The following FER variants were observed in gnomAD, a reference collection of about 807,000 sequenced individuals.
The protein encoded by FER is tyrosine-protein kinase Fer.
In FER, 63 loss-of-function variants were observed where a neutral mutation model predicts 111.0. The ratio of observed to expected loss-of-function variants is 0.57; its 90% CI spans 0.46 to 0.70. The LOEUF (loss-of-function observed/expected upper bound fraction) is 0.70. Among genes scored for constraint, FER ranks in the 30% least tolerant of loss-of-function variants. The pLI is 0.00. For synonymous variants in FER, 327 were observed against 313.9 expected (o/e 1.04, Z -0.44); for missense variants, 914 against 954.0 (o/e 0.96, Z 0.55).
intron 13 of FER, among the ~76,000 whole-genome samples, chr5:108,986,663 T>G (rs1275099964): frequency 6.6e-6 from 1 of 152,210 alleles, no homozygotes; most frequent in African/African-American, 2.4e-5. Flanking sequence ...CTTCTACATG[T>G]GACTTTCCAA....
chr5:108,882,385 A>G (rs1052333261), intron 8 of FER, among the ~76,000 whole-genome samples: 4 of 152,020 alleles, frequency 2.6e-5, no homozygotes, highest in African/African-American at 4.8e-5. Flanking sequence ...TAGTCAGTCT[A>G]GTTATAATAA....
At chr5:108,876,056 A>G (rs1333106648) in intron 8 of FER, among the ~76,000 whole-genome samples, 2 of 152,180 alleles carry the variant, frequency 1.3e-5, no homozygotes, top group Non-Finnish European at 2.9e-5. Context: ...GGATATCTCA[A>G]TTGAAGAATG....
Position 108,927,250 on chromosome 5 carries a change from C to CTTTTTTTTT in FER, c.1237-18879_1237-18878insTTTTTTTTT, listed in dbSNP as rs773963733. The stretch of plus-strand genomic sequence containing the variant: ...CATGTAATTCAGCATTGAGAAGTGG[C>CTTTTTTTTT]TCTTTTTTTTTTTTTTTTTTTGAGA... On this transcript the variant is annotated intron_variant, in intron 10 of 19. Transcript: ENST00000281092. Among the ~76,000 whole-genome samples the CTTTTTTTTT allele has an allele frequency of 1.3e-4, 12 of 95,368 alleles. 1 individual carries two copies. Among genetic ancestry groups the CTTTTTTTTT allele is most frequent in the African/African-American group, 5.2e-4 (7 of 13,482 alleles). The allele number at this position is 95,368 out of a possible 152,430, so 62.6% of individuals were successfully genotyped here.
chr5:109,100,684 CA>C (rs1748115424), intron 17 of FER, among the ~76,000 whole-genome samples, 165 bp downstream of exon 17: 1 of 151,736 alleles, frequency 6.6e-6, no homozygotes, highest in South Asian at 2.1e-4. Context: ...ATAGTTTATA[CA>C]AACACTCCTT....
intron 17 of FER, among the ~76,000 whole-genome samples, chr5:109,107,040 AGAG>A (rs780630421): frequency 5.9e-5 from 9 of 152,160 alleles, no homozygotes; most frequent in Non-Finnish European, 8.8e-5. Context: ...CTTGAGAGTG[AGAG>A]GAGAAGGAAT....
chr5:108,984,148 C>G (rs563930727), intron 13 of FER, among the ~76,000 whole-genome samples: 1 of 151,406 alleles, frequency 6.6e-6, no homozygotes, highest in Non-Finnish European at 1.5e-5. Context: ...CTTGTCTTAC[C>G]TTTTATTCTT....
At chr5:109,136,631 G>T (rs1752928308) in intron 17 of FER, among the ~76,000 whole-genome samples, 1 of 152,118 alleles carries the variant, frequency 6.6e-6, no homozygotes, top group Non-Finnish European at 1.5e-5. Flanking sequence ...CAGTAGCCTA[G>T]TGAGGTAATT....
intron 2 of FER, among the ~76,000 whole-genome samples, chr5:108,788,320 G>T (rs189884425): frequency 3.9e-5 from 6 of 151,996 alleles, no homozygotes; most frequent in African/African-American, 1.5e-4. Flanking sequence ...CAGATCCCGC[G>T]CTTGCTCACT....
At chr5:109,089,031 A>G (rs1012524898) in intron 16 of FER, among the ~76,000 whole-genome samples, 3 of 152,234 alleles carry the variant, frequency 2.0e-5, no homozygotes. Flanking sequence ...TGTGTATAAT[A>G]TAATCCCTAA....
chr5:109,120,939 G>A (rs1397071156), intron 17 of FER, among the ~76,000 whole-genome samples: 1 of 152,014 alleles, frequency 6.6e-6, no homozygotes, highest in African/African-American at 2.4e-5. Context: ...TGTGTATGTT[G>A]ATTTTGTATC....
intron 1 of FER, among the ~76,000 whole-genome samples, chr5:108,759,717 A>G (rs1320301240): frequency 1.3e-5 from 2 of 152,212 alleles, no homozygotes; most frequent in African/African-American, 4.8e-5. Context: ...ACATGGCAGA[A>G]GAGAAGAGAA....
chr5:108,844,119 CACATAT>C (rs1761613882), intron 5 of FER, among the ~76,000 whole-genome samples: 1 of 94,648 alleles, frequency 1.1e-5, no homozygotes, highest in Non-Finnish European at 2.3e-5. Flanking sequence ...TGTGTGTGAA[CACATAT>C]ATGTGTGTGA....
chr5:108,904,842 A>C (rs1040220954), intron 10 of FER, among the ~76,000 whole-genome samples: 7 of 152,024 alleles, frequency 4.6e-5, no homozygotes, highest in African/African-American at 1.7e-4. Flanking sequence ...TAGATGAGTA[A>C]ATTTTTGCTT....
intron 10 of FER, among the ~76,000 whole-genome samples, chr5:108,911,696 C>T (rs1451205326): frequency 6.6e-6 from 1 of 152,106 alleles, no homozygotes; most frequent in Admixed American, 6.6e-5. Flanking sequence ...AGCCAATTTT[C>T]AGAGCACCAT....
intron 1 of FER, among the ~76,000 whole-genome samples, chr5:108,762,242 CCCATCTTTGTAAATGGCAGCT>C (rs1489647424): frequency 6.6e-6 from 1 of 152,174 alleles, no homozygotes; most frequent in Non-Finnish European, 1.5e-5. Context: ...TTTAGTCCTT[CCCATCTTTGTAAATGGCAGCT>C]CCATCTTTGT....
chr5:108,903,188 C>T (rs1750285133), intron 10 of FER, among the ~76,000 whole-genome samples: 1 of 152,088 alleles, frequency 6.6e-6, no homozygotes, highest in South Asian at 2.1e-4. Context: ...ATTAGCTAGT[C>T]TGTATGATAA....
chr5:108,926,262 G>T (rs1407350959), intron 10 of FER, among the ~76,000 whole-genome samples: 1 of 149,582 alleles, frequency 6.7e-6, no homozygotes, highest in African/African-American at 2.5e-5. Context: ...TACCATCGTT[G>T]TCTTTTCAAA....
intron 16 of FER, among the ~76,000 whole-genome samples, chr5:109,078,502 G>C (rs1451365221): frequency 3.9e-5 from 6 of 152,114 alleles, no homozygotes; most frequent in African/African-American, 1.4e-4. Context: ...CTGGAGAATT[G>C]AGCCAGCTGT....
At chr5:108,763,775 C>G (rs999600740) in intron 1 of FER, among the ~76,000 whole-genome samples, 4 of 152,120 alleles carry the variant, frequency 2.6e-5, no homozygotes, top group African/African-American at 7.2e-5. Flanking sequence ...TGAATTGTTT[C>G]CCAGCAGTAA....
Sources: gnomAD v4.1 joint callset for allele counts (sites outside exome capture counted in the v4.1 genomes callset) on GRCh38, gnomAD v4.1.1 for gene constraint, MANE v1.5 for transcripts, NCBI Gene and HGNC (gene_info 2026-07-23, HGNC 2026-07-21) for gene names.